Variants in CCDC18 observed in about 807,000 individuals in gnomAD.
The protein encoded by CCDC18 is coiled-coil domain-containing protein 18.
Under a neutral mutation model 196.0 loss-of-function variants are expected in CCDC18, and 157 were observed. The observed-to-expected ratio is 0.80, with a 90% confidence interval of 0.70 to 0.91. The LOEUF (loss-of-function observed/expected upper bound fraction) is 0.91. Ranked by LOEUF, CCDC18 falls within the 40% of genes least tolerant of loss-of-function variation. CCDC18 has a pLI of 0.00. For synonymous variants in CCDC18, 482 were observed against 529.2 expected, an observed-to-expected ratio of 0.91 and a Z score of 1.22; for missense variants, 1,465 against 1,611.6, an observed-to-expected ratio of 0.91 and a Z score of 1.56.
At chr1:93,203,661 T>C (rs12030549) in intron 7 of CCDC18, among the ~76,000 whole-genome samples, 80,122 of 151,956 alleles carry the variant, frequency 0.53, 24,303 homozygotes, top group South Asian at 0.68. Context: ...ATGTTGCAAA[T>C]TGGTCAAGAA....
chr1:93,245,246 C>T (rs543229041), intron 21 of CCDC18, among the ~76,000 whole-genome samples: 20 of 152,184 alleles, frequency 1.3e-4, no homozygotes, highest in African/African-American at 2.9e-4. Flanking sequence ...GTGGAAGCTC[C>T]GCTATTTGCA....
intron 26 of CCDC18, among the ~76,000 whole-genome samples, chr1:93,263,069 C>G (rs1039196076): frequency 6.6e-6 from 1 of 152,104 alleles, no homozygotes; most frequent in Non-Finnish European, 1.5e-5. Context: ...AACAGCAATA[C>G]AGGTCACCCC....
chr1:93,258,414 T>TATA (rs1663323378), intron 25 of CCDC18, among the ~76,000 whole-genome samples: 1 of 152,092 alleles, frequency 6.6e-6, no homozygotes, highest in Non-Finnish European at 1.5e-5. Flanking sequence ...AGACAATATA[T>TATA]ATAGTGAGCA....
intron 8 of CCDC18, 96 bp downstream of exon 8, chr1:93,205,727 T>C: frequency 8.9e-7 from 1 of 1,127,638 alleles, no homozygotes; most frequent in South Asian, 1.4e-5. Flanking sequence ...AATTATAGGC[T>C]TACATTATAT....
intron 16 of CCDC18, among the ~76,000 whole-genome samples, chr1:93,222,226 A>G (rs1657541646): frequency 6.6e-6 from 1 of 152,068 alleles, no homozygotes; most frequent in South Asian, 2.1e-4. Flanking sequence ...TTCAGAGCTG[A>G]CGATTTGATC....
At chr1:93,189,822 C>T (rs1249552395) in intron 4 of CCDC18, among the ~76,000 whole-genome samples, 1 of 152,032 alleles carries the variant, frequency 6.6e-6, no homozygotes, top group Non-Finnish European at 1.5e-5. Flanking sequence ...GCCACCATGC[C>T]TGGCTAGTTT....
intron 18 of CCDC18, among the ~76,000 whole-genome samples, chr1:93,232,987 T>C (rs1293414448): frequency 6.6e-6 from 1 of 151,974 alleles, no homozygotes; most frequent in Non-Finnish European, 1.5e-5. Context: ...AAAAAATTGC[T>C]GTTAAACCTC....
chr1:93,239,484 G>A lies in CCDC18; in HGVS notation c.2767+11G>A, dbSNP rs1292237631. On this transcript the variant is annotated intron_variant, in intron 20 of 28. Transcript: ENST00000690025. Reference sequence around the variant, plus strand: ...AGAAAACAAATGCTGGTAAGCAAGTGGTTAGATGAGTATAGCTGCCTATGT... The same window carrying A: ...AGAAAACAAATGCTGGTAAGCAAGTAGTTAGATGAGTATAGCTGCCTATGT... 6.2e-7 allele frequency: 1 copy of A among 1,603,622 alleles called. No homozygotes were observed. The highest frequency in any genetic ancestry group is 8.5e-7 in the Non-Finnish European group (1 of 1,176,116).
intron 4 of CCDC18, chr1:93,190,775 C>T: frequency 3.1e-6 from 2 of 643,824 alleles, no homozygotes; most frequent in East Asian, 2.9e-5. Context: ...CTGCTCTTAC[C>T]TCCTCCCAGT....
Position 93,256,462 on chromosome 1 carries a change from A to G in CCDC18, c.3470A>G (p.Gln1157Arg). 1 of 1,614,126 alleles carries G rather than the reference A, an allele frequency of 6.2e-7. No individual in the cohort carries two copies. The highest frequency in any genetic ancestry group is 8.5e-7 in the Non-Finnish European group (1 of 1,179,982). ...SHTELAEARH[Q>R]QVQAQREIER... is the part of the protein sequence containing the mutation. Reference sequence around the variant, plus strand: ...ACAGAATTGGCAGAGGCTCGTCATCAGCAAGTCCAAGCACAGAGAGAAATA... The same window carrying G: ...ACAGAATTGGCAGAGGCTCGTCATCGGCAAGTCCAAGCACAGAGAGAAATA... The change falls in exon 25 of 29, where the codon CAG (glutamine) becomes CGG (arginine). Residue 1157 changes from glutamine (Q) to arginine (R), a missense_variant. Transcript: ENST00000690025.
At chr1:93,182,697 G>C (rs1205674393) in intron 1 of CCDC18, among the ~76,000 whole-genome samples, 1 of 152,130 alleles carries the variant, frequency 6.6e-6, no homozygotes, top group Non-Finnish European at 1.5e-5. Context: ...ATTTCTATGA[G>C]TTGACCTGCC....
chr1:93,193,767 C>T, intron 6 of CCDC18, 23 bp downstream of exon 6: 1 of 1,521,008 alleles, frequency 6.6e-7, no homozygotes, highest in South Asian at 1.3e-5. Context: ...AAAGCAAATA[C>T]ATGTTTTTGA....
intron 4 of CCDC18, chr1:93,191,003 G>A: frequency 9.8e-7 from 1 of 1,016,322 alleles, no homozygotes; most frequent in Non-Finnish European, 1.5e-6. Context: ...ACTTTCTAGG[G>A]TTGGTGCTTG....
upstream of CCDC18, chr1:93,180,560 C>A (rs770532710): frequency 6.9e-7 from 1 of 1,456,860 alleles, no homozygotes; most frequent in African/African-American, 1.4e-5. Flanking sequence ...GGCATCATGG[C>A]GGTAATTGTG....
chr1:93,262,783 G>A (rs1020924128), intron 26 of CCDC18, among the ~76,000 whole-genome samples: 2 of 152,146 alleles, frequency 1.3e-5, no homozygotes, highest in Non-Finnish European at 2.9e-5. Flanking sequence ...TGGGGACTCT[G>A]TGTGGGGGCT....
Position 93,239,786 on chromosome 1 carries a change from A to ATT in CCDC18, c.2872_2873dup (p.Leu958PhefsTer2), listed in dbSNP as rs767946203. 1.2e-5 allele frequency: 20 copies of ATT among 1,613,492 alleles called. No homozygotes were observed. The South Asian group carries it at 2.2e-4, about 18-fold the overall frequency. Reference sequence around the variant, plus strand: ...CTGAACTACAAAATGCTCATGGAGAATTAAAAAGTACTTTAAGACAACTCC... The same window carrying ATT: ...CTGAACTACAAAATGCTCATGGAGAATTTTAAAAAGTACTTTAAGACAACTCC... On this transcript the variant is annotated frameshift_variant, in exon 21 of 29. Transcript: ENST00000690025. LOFTEE classifies it high-confidence loss of function.
At chr1:93,228,469 A>C (rs1417289254) in intron 17 of CCDC18, among the ~76,000 whole-genome samples, 3 of 151,794 alleles carry the variant, frequency 2.0e-5, no homozygotes, top group Non-Finnish European at 2.9e-5. Context: ...AGCACTCCAG[A>C]CTTAGGTGCA....
At chr1:93,278,116 A>G (rs181945021) in intron 28 of CCDC18, among the ~76,000 whole-genome samples, 39 of 151,974 alleles carry the variant, frequency 2.6e-4, no homozygotes, top group African/African-American at 9.4e-4. Context: ...CCTCCTGACT[A>G]GCTGGGATTA....
At chr1:93,226,696 G>A (rs570286786) in intron 17 of CCDC18, among the ~76,000 whole-genome samples, 12 of 151,828 alleles carry the variant, frequency 7.9e-5, no homozygotes, top group Non-Finnish European at 1.8e-4. Flanking sequence ...ACCATGCCTG[G>A]CTAATTTTTG....
Sources: allele counts gnomAD v4.1 joint callset (sites outside exome capture counted in the v4.1 genomes callset), GRCh38; gene constraint gnomAD v4.1.1; transcripts MANE v1.5; gene names NCBI Gene and HGNC (gene_info 2026-07-23, HGNC 2026-07-21).